The following CDH10 variants were observed in gnomAD, a reference collection of about 807,000 sequenced individuals.
The protein encoded by CDH10 is cadherin 10.
A neutral mutation model predicts 73.1 loss-of-function variants in CDH10; 30 were observed. The observed-to-expected ratio is 0.41, with a 90% CI of 0.31 to 0.56. The LOEUF is 0.56. Ranked by LOEUF, CDH10 falls within the 20% of genes least tolerant of loss-of-function variation. The pLI, the probability that CDH10 is intolerant of heterozygous loss-of-function variation, is 0.27. For missense variants in CDH10, 815 were observed against 973.7 expected, an observed-to-expected ratio of 0.84 and a Z score of 2.17; for synonymous variants, 345 against 348.2, an observed-to-expected ratio of 0.99 and a Z score of 0.10.
chr5:24,644,376 C>T (rs1748147544), intron 1 of CDH10, among the ~76,000 whole-genome samples: 1 of 152,124 alleles, frequency 6.6e-6, no homozygotes, highest in Admixed American at 6.6e-5. Context: ...ATTTATCCAG[C>T]TTTACATTGC....
At chr5:24,601,730 T>G (rs1188079550) in intron 1 of CDH10, among the ~76,000 whole-genome samples, 1 of 147,184 alleles carries the variant, frequency 6.8e-6, no homozygotes, top group Non-Finnish European at 1.5e-5. Flanking sequence ...CAATAGCTAT[T>G]TTTTTTTCTT....
intron 1 of CDH10, among the ~76,000 whole-genome samples, chr5:24,610,295 G>A (rs533797840): frequency 3.0e-4 from 45 of 152,272 alleles, no homozygotes; most frequent in African/African-American, 1.1e-3. Flanking sequence ...ACATACATGT[G>A]TTGGACTGTA....
chr5:24,586,500 T>C (rs1746003952), intron 2 of CDH10, among the ~76,000 whole-genome samples: 1 of 145,752 alleles, frequency 6.9e-6, no homozygotes, highest in African/African-American at 2.5e-5. Context: ...AGTGGTGCAT[T>C]GGGGCAATCT....
At chr5:24,602,590 C>T (rs371561026) in intron 1 of CDH10, among the ~76,000 whole-genome samples, 12 of 152,184 alleles carry the variant, frequency 7.9e-5, no homozygotes, top group African/African-American at 2.9e-4. Context: ...CATTCTGCAA[C>T]TTGGGAAAAT....
At chr5:24,513,615 A>C (rs1743000286) in intron 5 of CDH10, among the ~76,000 whole-genome samples, 1 of 152,146 alleles carries the variant, frequency 6.6e-6, no homozygotes, top group South Asian at 2.1e-4. Flanking sequence ...CATACGCTAC[A>C]TGTTGGAAGT....
rs1205941273 is a variant in CDH10, at chr5:24,593,339, C to T, written c.152G>A (p.Arg51His). 3 of 1,612,818 alleles carry T rather than the reference C, an allele frequency of 1.9e-6. No homozygotes were observed. Among genetic ancestry groups the T allele is most frequent in the South Asian group, 1.1e-5 (1 of 91,062 alleles). The change falls in exon 2 of 12, where the codon CGT (arginine) becomes CAT (histidine). Residue 51 changes from arginine (R) to histidine (H), a missense_variant. Arg to His is a conservative substitution (Grantham distance 29). This residue lies in a region of CDH10 where 58 missense variants were observed against 96.7 expected (regional missense o/e 0.60). Coordinates refer to ENST00000264463, the MANE Select transcript of CDH10 (RefSeq NM_006727.5). ...VPRSDGKILH[R>H]QKRGWMWNQF... Reference sequence around the variant, plus strand: ...ATTCCACATCCAACCACGTTTTTGACGATGGAGAATTTTGCCATCACTCCT... The same window carrying T: ...ATTCCACATCCAACCACGTTTTTGATGATGGAGAATTTTGCCATCACTCCT...
chr5:24,561,819 G>A (rs748186590), intron 2 of CDH10, among the ~76,000 whole-genome samples: 1 of 152,048 alleles, frequency 6.6e-6, no homozygotes, highest in African/African-American at 2.4e-5. Flanking sequence ...TAAATAAACC[G>A]CAGGACACTG....
chr5:24,508,516 T>C (rs531467725), intron 7 of CDH10, among the ~76,000 whole-genome samples: 2 of 152,254 alleles, frequency 1.3e-5, no homozygotes, highest in South Asian at 2.1e-4. Flanking sequence ...CATTGCAGCA[T>C]TGCAATTACT....
At chr5:24,626,334 C>A (rs1263681762) in intron 1 of CDH10, among the ~76,000 whole-genome samples, 2 of 152,040 alleles carry the variant, frequency 1.3e-5, no homozygotes, top group African/African-American at 4.8e-5. Flanking sequence ...TAATTTGAAG[C>A]TTATTTGGCA....
chr5:24,550,669 T>A (rs1744511140), intron 2 of CDH10, among the ~76,000 whole-genome samples: 2 of 152,156 alleles, frequency 1.3e-5, no homozygotes, highest in African/African-American at 4.8e-5. Context: ...GTAAGAATAC[T>A]TGTCCTTAAC....
intron 5 of CDH10, among the ~76,000 whole-genome samples, chr5:24,517,146 A>G (rs1743138723): frequency 6.6e-6 from 1 of 152,144 alleles, no homozygotes; most frequent in African/African-American, 2.4e-5. Context: ...AATTCTCTAC[A>G]AGAATAAAAT....
chr5:24,491,941 T>G, intron 10 of CDH10, 114 bp from the exon 11 acceptor site: 1 of 639,910 alleles, frequency 1.6e-6, no homozygotes, highest in Non-Finnish European at 2.6e-6. Flanking sequence ...ATAAAATTGA[T>G]ATACATTTTC....
intron 2 of CDH10, among the ~76,000 whole-genome samples, chr5:24,586,862 T>TTTTTTTTTTG (rs61056495): frequency 6.9e-6 from 1 of 144,122 alleles, no homozygotes; most frequent in African/African-American, 2.6e-5. Context: ...TTTTTTTTTT[T>TTTTTTTTTTG]GAGCCGGAGT....
chr5:24,602,602 TATTATTGCATTGC>T (rs1746605592), intron 1 of CDH10, among the ~76,000 whole-genome samples: 1 of 152,146 alleles, frequency 6.6e-6, no homozygotes, highest in African/African-American at 2.4e-5. Context: ...TGGGAAAATG[TATTATTGCATTGC>T]ATTGCATGTG....
At chr5:24,622,715 T>TC (rs1164872825) in intron 1 of CDH10, among the ~76,000 whole-genome samples, 1 of 152,134 alleles carries the variant, frequency 6.6e-6, no homozygotes, top group Non-Finnish European at 1.5e-5. Flanking sequence ...AGGGAGGCTC[T>TC]CAATATTCAA....
intron 1 of CDH10, among the ~76,000 whole-genome samples, chr5:24,595,472 A>G (rs879721400): frequency 3.3e-5 from 5 of 152,010 alleles, no homozygotes; most frequent in South Asian, 2.1e-4. Flanking sequence ...TTGTATTTCA[A>G]TATGTCATGT....
chr5:24,515,903 T>C (rs1579746142), intron 5 of CDH10, among the ~76,000 whole-genome samples: 1 of 41,352 alleles, frequency 2.4e-5, no homozygotes, highest in African/African-American at 7.9e-5. Context: ...TACAGGGGAG[T>C]TTTCCCCTGA....
At chr5:24,555,762 A>C (rs1309484792) in intron 2 of CDH10, among the ~76,000 whole-genome samples, 4 of 152,098 alleles carry the variant, frequency 2.6e-5, no homozygotes, top group Non-Finnish European at 4.4e-5. Context: ...AATCTGAGTG[A>C]ATTAGCTTTC....
At chr5:24,624,894 A>G (rs1747442278) in intron 1 of CDH10, among the ~76,000 whole-genome samples, 1 of 152,144 alleles carries the variant, frequency 6.6e-6, no homozygotes, top group South Asian at 2.1e-4. Flanking sequence ...AGACAACTAA[A>G]CTATCATTAA....
Sources: gnomAD v4.1 joint callset for allele counts (sites outside exome capture counted in the v4.1 genomes callset) on GRCh38, gnomAD v4.1.1 for gene constraint, gnomAD v4.1.1 regional missense constraint, MANE v1.5 for transcripts, NCBI Gene and HGNC (gene_info 2026-07-23, HGNC 2026-07-21) for gene names.